SMG9: variants seen among roughly 807,000 people sequenced by gnomAD.
SMG9 encodes SMG9 nonsense mediated mRNA decay factor.
A neutral mutation model predicts 64.0 loss-of-function variants in SMG9; 55 were observed. That is an observed-to-expected ratio of 0.86 (90% CI 0.69 to 1.08). The LOEUF is 1.08. Ranked by LOEUF, SMG9 falls within the 50% of genes least tolerant of loss-of-function variation. The pLI, the probability that SMG9 is intolerant of heterozygous loss-of-function variation, is 0.00. For synonymous variants in SMG9, 244 were observed against 254.8 expected, an observed-to-expected ratio of 0.96 and a Z score of 0.41; for missense variants, 554 against 681.3, an observed-to-expected ratio of 0.81 and a Z score of 2.08.
chr19:43,752,801 G>A (rs1006184521), intron 1 of SMG9, among the ~76,000 whole-genome samples: 3 of 151,556 alleles, frequency 2.0e-5, no homozygotes, highest in Non-Finnish European at 2.9e-5. Flanking sequence ...AGCTACTTGG[G>A]AGGCTGAGGT....
intron 2 of SMG9, chr19:43,750,183 T>C (rs1317406581): frequency 1.9e-6 from 1 of 524,308 alleles, no homozygotes; most frequent in Non-Finnish European, 3.8e-6. Flanking sequence ...TCCTACATGA[T>C]TTGGCCCCAG....
intron 1 of SMG9, among the ~76,000 whole-genome samples, chr19:43,753,046 G>A (rs57095039): frequency 6.6e-6 from 1 of 151,828 alleles, no homozygotes; most frequent in South Asian, 2.1e-4. Flanking sequence ...AGACTCTCCA[G>A]AATGGAAGGG....
At chr19:43,750,880 A>C in intron 1 of SMG9, 133 bp from the exon 2 acceptor site, 1 of 774,910 alleles carries the variant, frequency 1.3e-6, no homozygotes, top group Non-Finnish European at 1.9e-6. Context: ...GCTGGAGTAC[A>C]GTGGCCTGAT....
intron 13 of SMG9, 21 bp downstream of exon 13, chr19:43,732,837 C>A: frequency 6.2e-7 from 1 of 1,613,498 alleles, no homozygotes; most frequent in Non-Finnish European, 8.5e-7. Context: ...CAAATTGACC[C>A]CCTCTGCAAA....
chr19:43,748,684 A>C (rs370725883), intron 2 of SMG9: 1 of 520,122 alleles, frequency 1.9e-6, no homozygotes, highest in African/African-American at 1.9e-5. Context: ...ACTTACCCTC[A>C]GTCTGCTGAA....
At chr19:43,742,004 C>T (rs1401610056) in intron 6 of SMG9, among the ~76,000 whole-genome samples, 4 of 151,896 alleles carry the variant, frequency 2.6e-5, no homozygotes, top group African/African-American at 7.3e-5. Context: ...AAAAATTAGC[C>T]GGATGTGGTG....
rs779105963 is a variant in SMG9, at chr19:43,747,757, G to A, written c.366C>T (p.Thr122=). 3.6e-5 allele frequency: 58 copies of A among 1,608,854 alleles called. No individual in the cohort carries two copies. Among genetic ancestry groups the A allele is most frequent in the East Asian group, 1.1e-4 (5 of 44,888 alleles). The change falls in exon 4 of 14, where the codon ACC becomes ACT. Residue 122 remains threonine (T), a synonymous_variant. Transcript: ENST00000270066. ...CAGGGGCTGCAGGGGGTGGTGGGGC[G>A]GTGCCCTCAGGGGTAGAGGCACCTG... ...AVTGASTPEG[T]APPPPAAPAP...
At chr19:43,748,837 C>G (rs1969107528) in intron 2 of SMG9, 1 of 513,878 alleles carries the variant, frequency 1.9e-6, no homozygotes, top group African/African-American at 1.9e-5. Flanking sequence ...CACTGGCTTA[C>G]GGTGAAGAAC....
intron 2 of SMG9, chr19:43,748,939 G>A (rs1407524784): frequency 1.8e-5 from 8 of 444,632 alleles, no homozygotes; most frequent in Non-Finnish European, 3.6e-5. Context: ...AGGCTAGGAA[G>A]GGGGAGATGA....
At chr19:43,737,832 T>C in intron 8 of SMG9, 150 bp from the exon 9 acceptor site, 1 of 724,164 alleles carries the variant, frequency 1.4e-6, no homozygotes, top group Admixed American at 2.7e-5. Context: ...GCACTTCCCT[T>C]ACAGGCCATC....
chr19:43,746,933 T>C (rs1368301864), intron 5 of SMG9, among the ~76,000 whole-genome samples: 1 of 151,990 alleles, frequency 6.6e-6, no homozygotes, highest in African/African-American at 2.4e-5. Flanking sequence ...GTGATCCTCT[T>C]ACCTCAGCCT....
chr19:43,752,900 T>G (rs168309), intron 1 of SMG9, among the ~76,000 whole-genome samples: 2,722 of 85,786 alleles, frequency 0.032, 126 homozygotes, highest in African/African-American at 0.14. Flanking sequence ...CAAGACCCTG[T>G]CTAAAAAAAA....
In SMG9 at chr19:43,748,025, C is replaced by T. The variant is rs767588392; in HGVS notation, c.178G>A (p.Val60Ile). ...AGGATGATGGGGGTTTTCTGCATGA[C>T]GGAAGTGCTTGTCTCTTCGCTGGCA... ...RDASEETSTS[V>I]MQKTPIILSK... The change falls in exon 3 of 14, where the codon GTC becomes ATC. Residue 60 changes from valine to isoleucine, a missense_variant. By Grantham distance (29) the Val-to-Ile change is conservative. Coordinates refer to ENST00000270066, the MANE Select transcript of SMG9 (RefSeq NM_019108.4). 9.9e-6 allele frequency: 16 copies of T among 1,612,524 alleles called. No individual in the cohort carries two copies. The highest frequency in any genetic ancestry group is 8.4e-5 in the Admixed American group (5 of 59,670).
intron 6 of SMG9, among the ~76,000 whole-genome samples, chr19:43,743,136 C>T (rs544952251): frequency 1.3e-5 from 2 of 152,006 alleles, no homozygotes; most frequent in African/African-American, 2.4e-5. Context: ...AGAGTTGATA[C>T]TGAAGTCTAC....
Position 43,731,555 on chromosome 19 carries a change from G to C in SMG9, c.*41C>G. On this transcript the variant is annotated 3_prime_UTR_variant, in exon 14 of 14. Coordinates refer to ENST00000270066, the MANE Select transcript of SMG9 (RefSeq NM_019108.4). ...TCTGTGCTCCCTCGCAGTACACTGC[G>C]GACCCAGGAGGTCCCCTGCATGACA... 7 of 1,613,660 alleles carry C rather than the reference G, an allele frequency of 4.3e-6. No homozygotes were observed. Among genetic ancestry groups the C allele is most frequent in the Non-Finnish European group, 5.9e-6 (7 of 1,179,732 alleles).
chr19:43,737,792 A>G, intron 8 of SMG9, 110 bp from the exon 9 acceptor site: 1 of 1,031,844 alleles, frequency 9.7e-7, no homozygotes, highest in Admixed American at 2.2e-5. Flanking sequence ...GGAGCCTTCA[A>G]GCAGCTACTG....
chr19:43,734,356 G>A lies in SMG9; in HGVS notation c.1102+33C>T, dbSNP rs1435218515. 2.0e-6 allele frequency: 3 copies of A among 1,509,192 alleles called. No homozygotes were observed. In the South Asian group the frequency reaches 3.6e-5, roughly 18 times the overall value. The allele number at this position is 1,509,192 out of a possible 1,614,324, so 93.5% of individuals were successfully genotyped here. On this transcript the variant is annotated intron_variant, in intron 10 of 13. Coordinates refer to ENST00000270066, the MANE Select transcript of SMG9 (RefSeq NM_019108.4). ...CTTTCAGCCCCTCATTTTTCCTCCTGCCCACCCCTCCAGTCCCCAGAAAGC... is the reference window on the plus strand; with the variant it reads ...CTTTCAGCCCCTCATTTTTCCTCCTACCCACCCCTCCAGTCCCCAGAAAGC...
chr19:43,736,132 T>C (rs1005389401), intron 9 of SMG9, among the ~76,000 whole-genome samples: 6 of 152,208 alleles, frequency 3.9e-5, no homozygotes, highest in African/African-American at 1.4e-4. Context: ...CTCATCCCTG[T>C]CCCCAGGGTT....
chr19:43,739,939 A>G, intron 7 of SMG9, 168 bp downstream of exon 7: 2 of 615,828 alleles, frequency 3.2e-6, no homozygotes, highest in Non-Finnish European at 2.9e-6. Flanking sequence ...AAAAGTGACA[A>G]GAGACTAAGG....
Sources: gnomAD v4.1 joint callset for allele counts (sites outside exome capture counted in the v4.1 genomes callset) on GRCh38, gnomAD v4.1.1 for gene constraint, MANE v1.5 for transcripts, NCBI Gene and HGNC (gene_info 2026-07-23, HGNC 2026-07-21) for gene names.